PRELID2: variants seen among roughly 807,000 people sequenced by gnomAD.
PRELID2 encodes PRELI domain-containing protein 2.
A neutral mutation model predicts 28.4 loss-of-function variants in PRELID2; 25 were observed. The ratio of observed to expected loss-of-function variants is 0.88; its 90% CI spans 0.64 to 1.23. The LOEUF (loss-of-function observed/expected upper bound fraction) is 1.23, where lower values mean the gene tolerates loss of function less well. Ranked by LOEUF, PRELID2 falls within the 50% of genes most tolerant of loss-of-function variation. PRELID2 has a pLI of 0.00. For synonymous variants in PRELID2, 76 were observed against 71.6 expected, an observed-to-expected ratio of 1.06 and a Z score of -0.31; for missense variants, 201 against 214.4, an observed-to-expected ratio of 0.94 and a Z score of 0.39.
At chr5:145,642,115 A>G (rs568609926) in intron 1 of PRELID2, among the ~76,000 whole-genome samples, 3 of 152,246 alleles carry the variant, frequency 2.0e-5, no homozygotes, top group East Asian at 3.9e-4. Flanking sequence ...GGTTGAACTA[A>G]TTTACACCCC....
chr5:145,688,353 ATGGT>A, intron 1 of PRELID2, among the ~76,000 whole-genome samples: 1 of 152,316 alleles, frequency 6.6e-6, no homozygotes, highest in Admixed American at 6.5e-5. Flanking sequence ...ATCAGCAGTA[ATGGT>A]AACTGGAGTT....
At chr5:145,405,488 C>T in the PRELID2 span, among the ~76,000 whole-genome samples, 1 of 152,066 alleles carries the variant, frequency 6.6e-6, no homozygotes, top group African/African-American at 2.4e-5. Context: ...TAAGTGAGAT[C>T]ATGCAGTATT....
chr5:145,626,335 A>G (rs1273356394), intron 1 of PRELID2, among the ~76,000 whole-genome samples: 1 of 152,192 alleles, frequency 6.6e-6, no homozygotes, highest in African/African-American at 2.4e-5. Context: ...ACTCAATAAG[A>G]AAAACATAAT....
the PRELID2 span, among the ~76,000 whole-genome samples, chr5:145,321,865 C>T: frequency 6.6e-6 from 1 of 152,092 alleles, no homozygotes; most frequent in Non-Finnish European, 1.5e-5. Context: ...TTGCTGTGTC[C>T]AATAAGGATA....
At chr5:145,420,472 G>C in the PRELID2 span, among the ~76,000 whole-genome samples, 12 of 147,838 alleles carry the variant, frequency 8.1e-5, no homozygotes, top group Non-Finnish European at 1.4e-4. Flanking sequence ...GGATTCCTAG[G>C]TATTTTATTC....
intron 1 of PRELID2, among the ~76,000 whole-genome samples, chr5:145,627,363 G>A (rs945971406): frequency 6.6e-6 from 1 of 151,882 alleles, no homozygotes; most frequent in African/African-American, 2.4e-5. Flanking sequence ...AACTTCAAAA[G>A]GTAGAACAGT....
downstream of PRELID2, among the ~76,000 whole-genome samples, chr5:145,756,260 G>A (rs1180833260): frequency 1.3e-5 from 2 of 152,200 alleles, no homozygotes; most frequent in Non-Finnish European, 2.9e-5. Flanking sequence ...AGCTGAAAAG[G>A]ACTAGGATTA....
the PRELID2 span, among the ~76,000 whole-genome samples, chr5:145,427,699 TA>T: frequency 0.21 from 32,688 of 152,108 alleles, 3,777 homozygotes; most frequent in South Asian, 0.32. Context: ...ATCGCACCAT[TA>T]AAGGTATAAT....
chr5:145,540,079 G>A (rs934859703), intron 1 of PRELID2, among the ~76,000 whole-genome samples: 3 of 151,744 alleles, frequency 2.0e-5, no homozygotes, highest in African/African-American at 7.3e-5. Context: ...CCTTCTCTTT[G>A]ATTGCACTGT....
chr5:145,755,441 C>T (rs1757231163), downstream of PRELID2, among the ~76,000 whole-genome samples: 1 of 152,206 alleles, frequency 6.6e-6, no homozygotes, highest in South Asian at 2.1e-4. Flanking sequence ...ATCTACCTTA[C>T]AGTCCTGACT....
chr5:145,527,151 G>A (rs1752615904), intron 1 of PRELID2, among the ~76,000 whole-genome samples: 1 of 152,180 alleles, frequency 6.6e-6, no homozygotes, highest in African/African-American at 2.4e-5. Context: ...CTATAAAAGG[G>A]TGGCACCAGC....
intron 1 of PRELID2, among the ~76,000 whole-genome samples, chr5:145,588,102 A>G (rs1187319263): frequency 2.6e-5 from 4 of 152,212 alleles, no homozygotes; most frequent in Non-Finnish European, 5.9e-5. Context: ...ATACTGTTTC[A>G]TTCGTTTAGA....
the PRELID2 span, among the ~76,000 whole-genome samples, chr5:145,452,100 A>G: frequency 3.3e-5 from 5 of 152,174 alleles, no homozygotes; most frequent in South Asian, 4.1e-4. Context: ...TCTACAGTAC[A>G]ATTCCCAGAC....
intron 1 of PRELID2, among the ~76,000 whole-genome samples, chr5:145,518,363 C>T (rs1580965783): frequency 4.0e-5 from 6 of 151,898 alleles, no homozygotes; most frequent in Admixed American, 3.9e-4. Flanking sequence ...CCAAGCCCAG[C>T]TAATTTTTGT....
At chr5:145,359,486 G>T in the PRELID2 span, among the ~76,000 whole-genome samples, 1 of 152,278 alleles carries the variant, frequency 6.6e-6, no homozygotes, top group Middle Eastern at 3.4e-3. Flanking sequence ...AAAACAGAAA[G>T]TTTCCTTTGT....
the PRELID2 span, among the ~76,000 whole-genome samples, chr5:145,465,584 C>G: frequency 6.6e-6 from 1 of 152,094 alleles, no homozygotes; most frequent in East Asian, 1.9e-4. Context: ...GGGCAAGCTA[C>G]TTAACTTTTC....
At chr5:145,329,407 C>T in the PRELID2 span, among the ~76,000 whole-genome samples, 5 of 152,100 alleles carry the variant, frequency 3.3e-5, no homozygotes, top group Admixed American at 2.0e-4. Context: ...TCTTCCTATC[C>T]ATGAGCATGG....
intron 1 of PRELID2, among the ~76,000 whole-genome samples, chr5:145,556,978 T>A (rs898032975): frequency 2.0e-5 from 3 of 152,174 alleles, no homozygotes; most frequent in Non-Finnish European, 4.4e-5. Context: ...TAAATTGTCA[T>A]GACACCGTGT....
the PRELID2 span, among the ~76,000 whole-genome samples, chr5:145,302,687 T>A: frequency 6.6e-6 from 1 of 152,002 alleles, no homozygotes. Flanking sequence ...ATGTGATTAG[T>A]ATTAATATAT....
Sources: gnomAD v4.1 joint callset for allele counts (sites outside exome capture counted in the v4.1 genomes callset) on GRCh38, gnomAD v4.1.1 for gene constraint, MANE v1.5 for transcripts, NCBI Gene and HGNC (gene_info 2026-07-23, HGNC 2026-07-21) for gene names.